Variants in FAM227B observed in about 807,000 individuals in gnomAD.
FAM227B encodes protein FAM227B.
Under a neutral mutation model 73.8 loss-of-function variants are expected in FAM227B, and 88 were observed. The ratio of observed to expected loss-of-function variants is 1.19; its 90% confidence interval spans 1.00 to 1.42. The LOEUF is 1.42. Ranked by LOEUF, FAM227B falls within the 40% of genes most tolerant of loss-of-function variation. The probability of loss-of-function intolerance (pLI) is 0.00; values close to 1 mark genes in which losing one functional copy is unlikely to be tolerated. For synonymous variants in FAM227B, 210 were observed against 190.5 expected, an observed-to-expected ratio of 1.10 and a Z score of -0.84; for missense variants, 632 against 590.9, an observed-to-expected ratio of 1.07 and a Z score of -0.72.
intron 14 of FAM227B, among the ~76,000 whole-genome samples, chr15:49,332,695 T>C (rs545665503): frequency 2.0e-5 from 3 of 152,228 alleles, no homozygotes; most frequent in Admixed American, 1.3e-4. Context: ...ATTTAAAAAC[T>C]ATTTTTCCAT....
intron 8 of FAM227B, among the ~76,000 whole-genome samples, chr15:49,570,158 G>A (rs2074986997): frequency 6.6e-6 from 1 of 151,986 alleles, no homozygotes; most frequent in African/African-American, 2.4e-5. Context: ...CCAGAAGTGG[G>A]ATTACTGGAG....
intron 11 of FAM227B, among the ~76,000 whole-genome samples, chr15:49,502,889 T>A (rs2058257896): frequency 6.6e-6 from 1 of 152,172 alleles, no homozygotes; most frequent in African/African-American, 2.4e-5. Flanking sequence ...GGACATCCCC[T>A]TGGTGATAAG....
At chr15:49,583,195 G>A (rs867528699) in intron 5 of FAM227B, among the ~76,000 whole-genome samples, 5 of 149,586 alleles carry the variant, frequency 3.3e-5, no homozygotes, top group African/African-American at 4.9e-5. Flanking sequence ...GACAACTCCC[G>A]TATTTGTTTT....
At chr15:49,386,305 C>T (rs2046879637) in intron 11 of FAM227B, among the ~76,000 whole-genome samples, 1 of 151,714 alleles carries the variant, frequency 6.6e-6, no homozygotes, top group Non-Finnish European at 1.5e-5. Context: ...CAAGTATCTT[C>T]TCAGGCCACA....
intron 13 of FAM227B, among the ~76,000 whole-genome samples, chr15:49,341,073 T>C (rs1239175296): frequency 1.3e-5 from 2 of 152,168 alleles, no homozygotes; most frequent in Admixed American, 1.3e-4. Context: ...CACATAGTTA[T>C]AGGTGTGTGG....
intron 11 of FAM227B, among the ~76,000 whole-genome samples, chr15:49,397,082 G>A (rs192295246): frequency 2.0e-5 from 3 of 152,222 alleles, no homozygotes; most frequent in South Asian, 2.1e-4. Context: ...CAAAGGCAAA[G>A]AAGTTGAAAA....
At position 49,452,636 on chromosome 15, in the gene FAM227B, C is replaced by A. The variant is rs150458776; in HGVS notation, c.1012+55575G>T. ...GTCTTTAGGAAATATAATGAAGATA[C>A]CTTAGTTTGGGTTCAAATCTGAGAT... On this transcript the variant is annotated intron_variant, in intron 11 of 15. Transcript: ENST00000299338. Among the ~76,000 whole-genome samples, 75 of 152,076 alleles carry A rather than the reference C, an allele frequency of 4.9e-4. No homozygotes were observed. The East Asian group carries it at 0.014, about 27-fold the overall frequency.
At chr15:49,530,861 T>C (rs991839657) in intron 10 of FAM227B, among the ~76,000 whole-genome samples, 2 of 126,560 alleles carry the variant, frequency 1.6e-5, no homozygotes, top group Admixed American at 1.7e-4. Flanking sequence ...ACTGTAAATA[T>C]AAAGAAATAT....
At chr15:49,335,629 G>T in intron 13 of FAM227B, 133 bp from the exon 14 acceptor site, 1 of 568,752 alleles carries the variant, frequency 1.8e-6, no homozygotes, top group South Asian at 2.7e-5. Flanking sequence ...GTATAAACAT[G>T]AATATTATGT....
chr15:49,537,896 T>C (rs774949628), intron 10 of FAM227B, among the ~76,000 whole-genome samples: 6 of 152,070 alleles, frequency 3.9e-5, no homozygotes, highest in Non-Finnish European at 8.8e-5. Context: ...AAAATATTGG[T>C]TACCGGGACC....
At chr15:49,620,026 A>T (rs1465069799) in intron 1 of FAM227B, 1 of 152,092 alleles carries the variant, frequency 6.6e-6, no homozygotes, top group East Asian at 1.9e-4. Flanking sequence ...GTTTAAAGAG[A>T]TTTCCTTGCT....
At chr15:49,422,502 C>T (rs972004565) in intron 11 of FAM227B, 8 of 1,272,940 alleles carry the variant, frequency 6.3e-6, no homozygotes, top group Non-Finnish European at 7.0e-6. Context: ...TAAAGAATAA[C>T]AGCTTTTAAA....
At chr15:49,568,148 C>A in intron 9 of FAM227B, 97 bp downstream of exon 9, 1 of 1,121,524 alleles carries the variant, frequency 8.9e-7, no homozygotes. Context: ...TCAAAAGTAA[C>A]AAAATATATT....
chr15:49,328,122 A>T lies in FAM227B; in HGVS notation c.*446T>A. ...GAGAAGCAAAGTTTGTTTGCTACCA[A>T]ACCTGGAGGTGGGGCTTTGGTTTTG... is the stretch of plus-strand genomic sequence containing the variant. On this transcript the variant is annotated 3_prime_UTR_variant, in exon 16 of 16. Transcript: ENST00000299338. The T allele has an allele frequency of 1.9e-6, 3 of 1,614,138 alleles. No individual in the cohort carries two copies. Among genetic ancestry groups the T allele is most frequent in the South Asian group, 2.2e-5 (2 of 91,082 alleles).
At chr15:49,559,396 T>G (rs942696668) in intron 9 of FAM227B, among the ~76,000 whole-genome samples, 2 of 152,080 alleles carry the variant, frequency 1.3e-5, no homozygotes, top group Admixed American at 6.5e-5. Flanking sequence ...AGTCCTTCAC[T>G]TGAAACAACA....
chr15:49,511,412 T>C (rs916005895), intron 10 of FAM227B, among the ~76,000 whole-genome samples: 5 of 152,148 alleles, frequency 3.3e-5, no homozygotes, highest in Non-Finnish European at 7.3e-5. Flanking sequence ...CATTATGATA[T>C]CTTCTTTGAA....
At chr15:49,522,039 C>A (rs922475457) in intron 10 of FAM227B, among the ~76,000 whole-genome samples, 4 of 152,202 alleles carry the variant, frequency 2.6e-5, no homozygotes, top group Middle Eastern at 3.2e-3. Context: ...CTGAAGCACA[C>A]CATGCTAGGG....
intron 13 of FAM227B, among the ~76,000 whole-genome samples, chr15:49,346,356 T>A (rs890399416): frequency 3.3e-5 from 5 of 152,196 alleles, no homozygotes; most frequent in African/African-American, 1.2e-4. Context: ...GAAGCCTGAC[T>A]ATGCTTGCAC....
intron 15 of FAM227B, 120 bp from the exon 16 acceptor site, chr15:49,328,795 AAGG>A (rs1756546105): frequency 7.0e-7 from 1 of 1,429,240 alleles, no homozygotes; most frequent in Non-Finnish European, 9.1e-7. Context: ...TTTTTGACAA[AAGG>A]AGGATACAGG....
Sources: allele counts gnomAD v4.1 joint callset (sites outside exome capture counted in the v4.1 genomes callset), GRCh38; gene constraint gnomAD v4.1.1; transcripts MANE v1.5; gene names NCBI Gene and HGNC (gene_info 2026-07-23, HGNC 2026-07-21).